The following AQR variants were observed in gnomAD, a reference collection of about 807,000 sequenced individuals.
AQR encodes aquarius intron-binding spliceosomal factor, also known as RNA helicase aquarius.
In AQR, 61 loss-of-function variants were observed where a neutral mutation model predicts 180.5. The ratio of observed to expected loss-of-function variants is 0.34; its 90% CI spans 0.28 to 0.42. The LOEUF is 0.42. Ranked by LOEUF, AQR falls within the 10% of genes least tolerant of loss-of-function variation. AQR has a pLI of 1.00. For missense variants in AQR, 1,281 were observed against 1,798.3 expected, an observed-to-expected ratio of 0.71 and a Z score of 5.20; for synonymous variants, 551 against 588.8, an observed-to-expected ratio of 0.94 and a Z score of 0.93.
At chr15:34,957,719 AC>A (rs534103514) in intron 3 of AQR, among the ~76,000 whole-genome samples, 19 of 83,260 alleles carry the variant, frequency 2.3e-4, no homozygotes, top group East Asian at 1.0e-3. Context: ...CATAAAAAAA[AC>A]ATAAAAATAA....
intron 8 of AQR, 120 bp downstream of exon 8, chr15:34,940,779 A>G (rs1894011408): frequency 1.3e-6 from 1 of 752,252 alleles, no homozygotes; most frequent in Non-Finnish European, 2.2e-6. Flanking sequence ...AAAAGCACTT[A>G]TTATAATAAT....
rs941000415 is a variant in AQR at position 34,969,558 on chromosome 15, T to C, written c.56A>G (p.Asn19Ser). 7 of 1,613,648 alleles carry C rather than the reference T, an allele frequency of 4.3e-6. No individual in the cohort carries two copies. The African/African-American group carries it at 9.3e-5, about 22-fold the overall frequency. ...GCTCACCTGGGTCACGAACTCCGCA[T>C]TGATTTGGGACACCGTAGGGGCCAC... ...KIVAPTVSQINAEFVTQLACK... is the reference protein window; with the variant it reads ...KIVAPTVSQISAEFVTQLACK... The change falls in exon 1 of 35, where the codon AAT (asparagine) becomes AGT (serine). Residue 19 changes from asparagine to serine, a missense_variant. Physicochemically the swap from Asn to Ser is conservative, Grantham distance 46. This residue lies in a region of AQR where 404 missense variants were observed against 490.9 expected (regional missense o/e 0.82). Coordinates refer to ENST00000156471, the MANE Select transcript of AQR (RefSeq NM_014691.3).
At chr15:34,881,497 G>A (rs1438191001) in intron 27 of AQR, among the ~76,000 whole-genome samples, 1 of 152,206 alleles carries the variant, frequency 6.6e-6, no homozygotes, top group Admixed American at 6.5e-5. Context: ...TTAAATGACT[G>A]TATTAAAATC....
chr15:34,879,312 A>G (rs1892933992), intron 27 of AQR, among the ~76,000 whole-genome samples: 1 of 152,212 alleles, frequency 6.6e-6, no homozygotes, highest in South Asian at 2.1e-4. Flanking sequence ...AACTGGCTGG[A>G]ACCAATATAG....
At chr15:34,916,407 A>G (rs1893587409) in intron 15 of AQR, among the ~76,000 whole-genome samples, 1 of 151,790 alleles carries the variant, frequency 6.6e-6, no homozygotes. Flanking sequence ...CATTTTACTG[A>G]TAAGTCATAG....
chr15:34,927,844 C>T (rs1893788808), intron 12 of AQR, among the ~76,000 whole-genome samples: 1 of 152,182 alleles, frequency 6.6e-6, no homozygotes, highest in Non-Finnish European at 1.5e-5. Context: ...TATGAGATTA[C>T]TACACACAAT....
chr15:34,856,629 A>G lies in AQR; in HGVS notation c.*163T>C. 1.8e-6 allele frequency: 1 copy of G among 554,242 alleles called. No homozygotes were observed. Among genetic ancestry groups the G allele is most frequent in the African/African-American group, 1.9e-5 (1 of 53,022 alleles). The allele number at this position is 554,242 out of a possible 1,614,324, so 34.3% of individuals were successfully genotyped here. On this transcript the variant is annotated 3_prime_UTR_variant, in exon 35 of 35. Transcript: ENST00000156471. ...TGAAACTAGAATTGTTCATACACAT[A>G]ATTTAAAAAAATATATTCAAGACAC...
chr15:34,918,803 G>A (rs991145887), intron 14 of AQR, among the ~76,000 whole-genome samples: 2 of 152,218 alleles, frequency 1.3e-5, no homozygotes, highest in African/African-American at 4.8e-5. Context: ...CTAGGTTTTG[G>A]ACTATAGTTT....
intron 30 of AQR, among the ~76,000 whole-genome samples, chr15:34,873,408 T>C (rs1010833292): frequency 6.6e-6 from 1 of 152,176 alleles, no homozygotes; most frequent in African/African-American, 2.4e-5. Context: ...AAAATATGAA[T>C]TGCATATTCA....
In AQR at chr15:34,857,004, C is replaced by T; in HGVS notation, c.4246G>A (p.Asp1416Asn). 1 of 1,614,042 alleles carries T rather than the reference C, an allele frequency of 6.2e-7. No individual in the cohort carries two copies. Among genetic ancestry groups the T allele is most frequent in the Admixed American group, 1.7e-5 (1 of 60,020 alleles). ...TEEEAMTVQA[D>N]IIPSPTDTSC... is the part of the protein sequence containing the mutation. Reference sequence around the variant, plus strand: ...GTGTCTGTTGGACTGGGTATGATGTCAGCTTGAACAGTCATGGCCTCTTCT... The same window carrying T: ...GTGTCTGTTGGACTGGGTATGATGTTAGCTTGAACAGTCATGGCCTCTTCT... Residue 1416 changes from aspartate to asparagine, a missense_variant, in exon 35 of 35, where the codon GAC becomes AAC. Coordinates refer to ENST00000156471, the MANE Select transcript of AQR (RefSeq NM_014691.3).
chr15:34,856,710 A>C lies in AQR; in HGVS notation c.*82T>G, dbSNP rs1477087108. On this transcript the variant is annotated 3_prime_UTR_variant, in exon 35 of 35. Transcript: ENST00000156471. ...CATTAATTAGTGACAGTAAAATGGCAGAAGCAAATATAAAATACAAAAAAC... is the reference window on the plus strand; with the variant it reads ...CATTAATTAGTGACAGTAAAATGGCCGAAGCAAATATAAAATACAAAAAAC... 3 of 1,207,570 alleles carry C rather than the reference A, an allele frequency of 2.5e-6. No homozygotes were observed. Among genetic ancestry groups the C allele is most frequent in the South Asian group, 2.2e-5 (1 of 45,704 alleles). 74.8% of individuals were successfully genotyped at this position (1,207,570 alleles called of 1,614,324 possible). A position where few individuals can be genotyped will look rare whatever the true frequency, so the allele number is the denominator to read the frequency against.
At chr15:34,867,695 A>T (rs1892756188) in intron 31 of AQR, 86 bp from the exon 32 acceptor site, 7 of 902,646 alleles carry the variant, frequency 7.8e-6, no homozygotes, top group Non-Finnish European at 1.2e-5. Flanking sequence ...AGGAACAAAC[A>T]TCTTATCCTT....
chr15:34,949,735 C>T (rs1234285403), intron 4 of AQR, among the ~76,000 whole-genome samples: 1 of 148,768 alleles, frequency 6.7e-6, no homozygotes. Context: ...AGTGGGTGGA[C>T]TGCTTGAGCC....
intron 23 of AQR, among the ~76,000 whole-genome samples, chr15:34,893,304 C>T (rs959026577): frequency 6.6e-6 from 1 of 152,054 alleles, no homozygotes; most frequent in South Asian, 2.1e-4. Context: ...ATAAACTACC[C>T]CGATTGGCTA....
At chr15:34,933,095 G>C (rs1429668539) in intron 10 of AQR, among the ~76,000 whole-genome samples, 1 of 152,128 alleles carries the variant, frequency 6.6e-6, no homozygotes. Flanking sequence ...TGAGAAAAAA[G>C]GAAGTACAAA....
intron 2 of AQR, 146 bp downstream of exon 2, chr15:34,964,088 C>T (rs905077752): frequency 3.2e-6 from 2 of 633,892 alleles, no homozygotes; most frequent in Non-Finnish European, 5.5e-6. Context: ...TAAATCATTG[C>T]TAAGTTTGAT....
At chr15:34,947,319 C>T (rs1001385407) in intron 5 of AQR, among the ~76,000 whole-genome samples, 2 of 150,962 alleles carry the variant, frequency 1.3e-5, no homozygotes, top group Admixed American at 6.6e-5. Context: ...GCAGCATGCT[C>T]GTTAAGAGTC....
In AQR at chr15:34,910,126, C is replaced by A; in HGVS notation, c.1663+9G>T. 6.2e-7 allele frequency: 1 copy of A among 1,613,244 alleles called. No homozygotes were observed. The highest frequency in any genetic ancestry group is 8.5e-7 in the Non-Finnish European group (1 of 1,179,372). On this transcript the variant is annotated intron_variant, in intron 17 of 34. Transcript: ENST00000156471. ...AAAGGTAATGTCACTTTTTGAAATA[C>A]AAACTTACCTTCCCATTCATCTTTG...
chr15:34,946,390 C>T (rs1017223376), intron 5 of AQR, among the ~76,000 whole-genome samples: 4 of 151,202 alleles, frequency 2.6e-5, no homozygotes, highest in Admixed American at 2.6e-4. Flanking sequence ...TCGGGGGGGT[C>T]AGCCCCCCGC....
Sources: allele counts gnomAD v4.1 joint callset (sites outside exome capture counted in the v4.1 genomes callset), GRCh38; gene constraint gnomAD v4.1.1; regional missense constraint gnomAD v4.1.1; transcripts MANE v1.5; gene names NCBI Gene and HGNC (gene_info 2026-07-23, HGNC 2026-07-21).